Variants in SRSF6 observed in about 807,000 individuals in gnomAD.
SRSF6 encodes serine/arginine-rich splicing factor 6.
In SRSF6, 17 loss-of-function variants were observed where a neutral mutation model predicts 42.0. The ratio of observed to expected loss-of-function variants is 0.40; its 90% confidence interval spans 0.28 to 0.61. The LOEUF (loss-of-function observed/expected upper bound fraction) is 0.61, where lower values mean the gene tolerates loss of function less well. Among genes scored for constraint, SRSF6 ranks in the 20% least tolerant of loss-of-function variants. The probability of loss-of-function intolerance (pLI) is 0.37; values close to 1 mark genes in which losing one functional copy is unlikely to be tolerated. For missense variants in SRSF6, 379 were observed against 471.4 expected (o/e 0.80, Z 1.81); for synonymous variants, 204 against 166.7 (o/e 1.22, Z -1.72).
At chr20:43,458,717 G>T (rs1278342201) in intron 2 of SRSF6, among the ~76,000 whole-genome samples, 1 of 152,202 alleles carries the variant, frequency 6.6e-6, no homozygotes, top group Non-Finnish European at 1.5e-5. Context: ...TTGTTTATTT[G>T]CCAAGTTGGG....
intron 2 of SRSF6, chr20:43,459,246 C>T: frequency 2.2e-6 from 3 of 1,352,144 alleles, no homozygotes; most frequent in Non-Finnish European, 2.9e-6. Flanking sequence ...GACCCTTGCC[C>T]TATGACCCTT....
chr20:43,459,630 A>G (rs2017551890), intron 2 of SRSF6, 141 bp from the exon 3 acceptor site: 1 of 1,405,456 alleles, frequency 7.1e-7, no homozygotes, highest in African/African-American at 1.4e-5. Flanking sequence ...ATGGCAAATC[A>G]CAAATGTGTC....
In SRSF6 at chr20:43,458,216, C is replaced by T; in HGVS notation, c.107+76C>T. The T allele has an allele frequency of 3.3e-6, 5 of 1,497,904 alleles. No individual in the cohort carries two copies. In the South Asian group the frequency reaches 6.2e-5, roughly 18 times the overall value. The allele number at this position is 1,497,904 out of a possible 1,614,324, so 92.8% of individuals were successfully genotyped here. On this transcript the variant is annotated intron_variant, in intron 1 of 5. Transcript: ENST00000244020. ...GGGAACTCTCCAAGGAAAGAAGCGG[C>T]CAAGGCCGCGGCGCCGCGTGGCAGG...
chr20:43,462,600 A>C lies in SRSF6; in HGVS notation c.*1537A>C, dbSNP rs945598887. 1 of 152,230 alleles carries C rather than the reference A, an allele frequency of 6.6e-6. No homozygotes were observed. Among genetic ancestry groups the C allele is most frequent in the Non-Finnish European group, 1.5e-5 (1 of 68,052 alleles). The allele number at this position is 152,230 out of a possible 1,614,324, so 9.4% of individuals were successfully genotyped here. A position where few individuals can be genotyped will look rare whatever the true frequency, so the allele number is the denominator to read the frequency against. On this transcript the variant is annotated 3_prime_UTR_variant, in exon 6 of 6. Coordinates refer to ENST00000244020, the MANE Select transcript of SRSF6 (RefSeq NM_006275.6). ...ATTCTAGGGTTGGTTTGTAGATTCA[A>C]ATAATCCAGAAATATACCTAATAAG...
rs1266765512 is a variant in SRSF6, at chr20:43,463,964, AAC to A, written c.*2903_*2904del. The A allele has an allele frequency of 3.3e-5, 5 of 152,368 alleles. No individual in the cohort carries two copies. In the East Asian group the frequency reaches 9.6e-4, roughly 29 times the overall value. 9.4% of individuals were successfully genotyped at this position (152,368 alleles called of 1,614,324 possible). A position where few individuals can be genotyped will look rare whatever the true frequency, so the allele number is the denominator to read the frequency against. On this transcript the variant is annotated 3_prime_UTR_variant, in exon 6 of 6. Transcript: ENST00000244020. Reference sequence around the variant, plus strand: ...TCTACTTGCTAATGCAGCTGCTGTTAACAGTTCTTGTATCTGCTCAAGAGATT... The same window carrying A: ...TCTACTTGCTAATGCAGCTGCTGTTAAGTTCTTGTATCTGCTCAAGAGATT...
Position 43,460,888 on chromosome 20 carries a change from G to GTGA in SRSF6, c.862_864dup (p.Asp288dup). ...CGATCCCCTAAAGAAAATGGAAAGGGTGATATAAAGTCAAAATCCAGATCA... is the reference window on the plus strand; with the variant it reads ...CGATCCCCTAAAGAAAATGGAAAGGGTGATGATATAAAGTCAAAATCCAGATCA... On this transcript the variant is annotated inframe_insertion, in exon 6 of 6. Coordinates refer to ENST00000244020, the MANE Select transcript of SRSF6 (RefSeq NM_006275.6). 6.2e-7 allele frequency: 1 copy of GTGA among 1,614,128 alleles called. No individual in the cohort carries two copies. The highest frequency in any genetic ancestry group is 8.5e-7 in the Non-Finnish European group (1 of 1,180,022).
At position 43,461,179 on chromosome 20, in the gene SRSF6, CAG is replaced by C. The variant is rs1318818762; in HGVS notation, c.*118_*119del. The C allele has an allele frequency of 2.2e-5, 31 of 1,387,612 alleles. No individual in the cohort carries two copies. The highest frequency in any genetic ancestry group is 2.7e-5 in the Non-Finnish European group (29 of 1,068,954). 86.0% of individuals were successfully genotyped at this position (1,387,612 alleles called of 1,614,324 possible). ...GGAATCTCTTGAAAACAGGGGCACA[CAG>C]AAATTTGATTTGTGGCCAAATTGGA... On this transcript the variant is annotated 3_prime_UTR_variant, in exon 6 of 6. Transcript: ENST00000244020.
Position 43,457,920 on chromosome 20 carries a change from C to A in SRSF6, c.-114C>A, listed in dbSNP as rs933253983. On this transcript the variant is annotated 5_prime_UTR_variant, in exon 1 of 6. Coordinates refer to ENST00000244020, the MANE Select transcript of SRSF6 (RefSeq NM_006275.6). ...CATTGTGTGGCTGGACTCGGCCGCC[C>A]CTGTGGTGTGAGGCGCGTGTTCGGG... 1.3e-5 allele frequency: 11 copies of A among 862,742 alleles called. No individual in the cohort carries two copies. Among genetic ancestry groups the A allele is most frequent in the South Asian group, 1.1e-4 (7 of 65,456 alleles). The allele number at this position is 862,742 out of a possible 1,614,324, so 53.4% of individuals were successfully genotyped here. A position where few individuals can be genotyped will look rare whatever the true frequency, so the allele number is the denominator to read the frequency against.
Position 43,458,288 on chromosome 20 carries a change from G to T in SRSF6, c.108-73G>T, listed in dbSNP as rs1386881142. 3.5e-6 allele frequency: 5 copies of T among 1,418,708 alleles called. No individual in the cohort carries two copies. In the African/African-American group the frequency reaches 6.1e-5, roughly 17 times the overall value. The allele number at this position is 1,418,708 out of a possible 1,614,324, so 87.9% of individuals were successfully genotyped here. A position where few individuals can be genotyped will look rare whatever the true frequency, so the allele number is the denominator to read the frequency against. On this transcript the variant is annotated intron_variant, in intron 1 of 5. Transcript: ENST00000244020. ...CGGCGTCGCGGGGGCGCGCGGTGGG[G>T]TACGGGCGCGCGCACGTGCGCGTCC...
chr20:43,461,179 C>G lies in SRSF6; in HGVS notation c.*116C>G. ...GGAATCTCTTGAAAACAGGGGCACACAGAAATTTGATTTGTGGCCAAATTG... is the reference window on the plus strand; with the variant it reads ...GGAATCTCTTGAAAACAGGGGCACAGAGAAATTTGATTTGTGGCCAAATTG... On this transcript the variant is annotated 3_prime_UTR_variant, in exon 6 of 6. Transcript: ENST00000244020. 1 of 1,387,732 alleles carries G rather than the reference C, an allele frequency of 7.2e-7. No homozygotes were observed. The highest frequency in any genetic ancestry group is 1.9e-5 in the South Asian group (1 of 53,652). The allele number at this position is 1,387,732 out of a possible 1,614,324, so 86.0% of individuals were successfully genotyped here.
rs972927287 is a variant in SRSF6 at position 43,463,180 on chromosome 20, C to G, written c.*2117C>G. On this transcript the variant is annotated 3_prime_UTR_variant, in exon 6 of 6. Transcript: ENST00000244020. ...AAGCAGGTCATTGTATAGGTAAATG[C>G]CTGCACCCATAATTTTCTAGTAATA... 14 of 154,468 alleles carry G rather than the reference C, an allele frequency of 9.1e-5. No homozygotes were observed. The highest frequency in any genetic ancestry group is 3.4e-4 in the African/African-American group (14 of 41,452). The allele number at this position is 154,468 out of a possible 1,614,324, so 9.6% of individuals were successfully genotyped here.
Position 43,458,158 on chromosome 20 carries a change from G to A in SRSF6, c.107+18G>A. On this transcript the variant is annotated intron_variant, in intron 1 of 5. Transcript: ENST00000244020. ...AAAAATGGGTGAGTCGGGCCTGGGCGCCCGCGCCCAGCGTCCCAGGCCTGG... is the reference window on the plus strand; with the variant it reads ...AAAAATGGGTGAGTCGGGCCTGGGCACCCGCGCCCAGCGTCCCAGGCCTGG... 6.2e-7 allele frequency: 1 copy of A among 1,607,732 alleles called. No homozygotes were observed. The highest frequency in any genetic ancestry group is 8.5e-7 in the Non-Finnish European group (1 of 1,176,032).
rs1306292970 is a variant in SRSF6 at position 43,458,469 on chromosome 20, C to A, written c.216C>A (p.Gly72=). 21 of 1,516,962 alleles carry A rather than the reference C, an allele frequency of 1.4e-5. No homozygotes were observed. Among genetic ancestry groups the A allele is most frequent in the East Asian group, 2.7e-5 (1 of 36,474 alleles). 94.0% of individuals were successfully genotyped at this position (1,516,962 alleles called of 1,614,324 possible). Residue 72 remains glycine, a synonymous_variant, in exon 2 of 6, where the codon GGC becomes GGA. Transcript: ENST00000244020. ...GERVIVEHAR[G]PRRDRDGYSY... is the part of the protein sequence containing the mutation. ...GCGTGATCGTAGAGCACGCCCGGGG[C>A]CCGCGTCGCGATCGCGACGGCTACA...
chr20:43,460,660 C>T (rs748503819), intron 5 of SRSF6, 43 bp from the exon 6 acceptor site: 9 of 1,612,404 alleles, frequency 5.6e-6, no homozygotes, highest in Middle Eastern at 1.7e-4. Flanking sequence ...AGTATGTGTA[C>T]ATTCTCACTA....
intron 2 of SRSF6, chr20:43,459,072 T>A (rs868471881): frequency 7.8e-7 from 1 of 1,277,588 alleles, no homozygotes; most frequent in Middle Eastern, 2.6e-4. Flanking sequence ...GGATTTTTGG[T>A]TATGTTAAAT....
chr20:43,463,827 A>G lies in SRSF6; in HGVS notation c.*2764A>G, dbSNP rs1038513670. ...AGTGTCATCCATGAAACTAGGGATA[A>G]AACATGCATGGGATGTGAAGATTAA... On this transcript the variant is annotated 3_prime_UTR_variant, in exon 6 of 6. Transcript: ENST00000244020. 2 of 152,250 alleles carry G rather than the reference A, an allele frequency of 1.3e-5. No individual in the cohort carries two copies. Among genetic ancestry groups the G allele is most frequent in the Non-Finnish European group, 2.9e-5 (2 of 68,048 alleles). 9.4% of individuals were successfully genotyped at this position (152,250 alleles called of 1,614,324 possible). A position where few individuals can be genotyped will look rare whatever the true frequency, so the allele number is the denominator to read the frequency against.
intron 2 of SRSF6, 69 bp from the exon 3 acceptor site, chr20:43,459,702 C>T (rs1335748718): frequency 1.9e-6 from 3 of 1,604,764 alleles, no homozygotes; most frequent in African/African-American, 2.7e-5. Context: ...TATGTTTGTA[C>T]TAACTTTCAA....
intron 2 of SRSF6, chr20:43,459,034 G>C: frequency 2.4e-6 from 2 of 829,834 alleles, no homozygotes; most frequent in Middle Eastern, 4.5e-4. Flanking sequence ...TGAACTAATT[G>C]GGGCATGTTA....
At position 43,460,121 on chromosome 20, in the gene SRSF6, C is replaced by G. The variant is rs1169572058; in HGVS notation, c.470C>G (p.Ser157Cys). 3 of 1,614,218 alleles carry G rather than the reference C, an allele frequency of 1.9e-6. No individual in the cohort carries two copies. The highest frequency in any genetic ancestry group is 1.7e-5 in the Admixed American group (1 of 60,026). The part of the protein sequence containing the change: ...NEGVIEFRSY[S>C]DMKRALDKLD... Reference sequence around the variant, plus strand: ...GGTGTAATTGAGTTTCGCTCCTACTCTGACATGAAGCGTGCTTTGGACAAA... The same window carrying G: ...GGTGTAATTGAGTTTCGCTCCTACTGTGACATGAAGCGTGCTTTGGACAAA... Residue 157 changes from serine (S) to cysteine (C), a missense_variant, in exon 4 of 6, where the codon TCT becomes TGT. This residue lies in a region of SRSF6 where 43 missense variants were observed against 108.5 expected (regional missense o/e 0.40). Transcript: ENST00000244020.
Sources: allele counts gnomAD v4.1 joint callset (sites outside exome capture counted in the v4.1 genomes callset), GRCh38; gene constraint gnomAD v4.1.1; regional missense constraint gnomAD v4.1.1; transcripts MANE v1.5; gene names NCBI Gene and HGNC (gene_info 2026-07-23, HGNC 2026-07-21).